HOOK3: variants seen among roughly 807,000 people sequenced by gnomAD.
HOOK3 encodes the protein protein Hook homolog 3.
Under a neutral mutation model 116.3 loss-of-function variants are expected in HOOK3, and 24 were observed. The observed-to-expected ratio is 0.21, with a 90% CI of 0.15 to 0.29. The LOEUF (loss-of-function observed/expected upper bound fraction) is 0.29. Among genes scored for constraint, HOOK3 ranks in the 10% least tolerant of loss-of-function variants. HOOK3 has a pLI of 1.00. For missense variants in HOOK3, 632 were observed against 830.2 expected (o/e 0.76, Z 2.93); for synonymous variants, 275 against 283.0 (o/e 0.97, Z 0.28).
chr8:42,899,889 C>T (rs1807149508), intron 1 of HOOK3, among the ~76,000 whole-genome samples: 1 of 152,156 alleles, frequency 6.6e-6, no homozygotes, highest in African/African-American at 2.4e-5. Context: ...TCCTGAGTAT[C>T]AGATAAAAGT....
In HOOK3 at chr8:43,021,104, GAAAAAAAAAAAAAAA is replaced by G. The variant is rs34161624; in HGVS notation, c.*2621_*2635del. ...CGACAAGAGCGAAACTCTGTCGCAA[GAAAAAAAAAAAAAAA>G]AAAAAAAAAAAAAACAGTCTGTGAA... On this transcript the variant is annotated 3_prime_UTR_variant, in exon 22 of 22. Transcript: ENST00000307602. The G allele has an allele frequency of 8.4e-4, 27 of 32,284 alleles. No homozygotes were observed. The highest frequency in any genetic ancestry group is 2.3e-3 in the Admixed American group (7 of 3,016). The allele number at this position is 32,284 out of a possible 1,614,324, so 2.0% of individuals were successfully genotyped here.
At chr8:42,970,024 A>C (rs1808698708) in intron 11 of HOOK3, among the ~76,000 whole-genome samples, 1 of 152,202 alleles carries the variant, frequency 6.6e-6, no homozygotes. Context: ...GTTATAGTCT[A>C]ATCTTCTCTA....
At chr8:43,015,640 G>T (rs1015137112) in intron 21 of HOOK3, among the ~76,000 whole-genome samples, 1 of 152,192 alleles carries the variant, frequency 6.6e-6, no homozygotes, top group Admixed American at 6.5e-5. Flanking sequence ...AAACTATTCT[G>T]TCTCTTCCCT....
At position 42,959,295 on chromosome 8, in the gene HOOK3, G is replaced by A. The variant is rs561883152; in HGVS notation, c.596G>A (p.Cys199Tyr). 6 of 1,612,290 alleles carry A rather than the reference G, an allele frequency of 3.7e-6. No homozygotes were observed. The African/African-American group carries it at 6.7e-5, about 18-fold the overall frequency. The change falls in exon 8 of 22, where the codon TGC becomes TAC. Residue 199 changes from cysteine (C) to tyrosine (Y), a missense_variant. Cys to Tyr is a radical substitution (Grantham distance 194, BLOSUM62 -2). This residue lies in a region of HOOK3 where 483 missense variants were observed against 648.1 expected (regional missense o/e 0.75). Coordinates refer to ENST00000307602, the MANE Select transcript of HOOK3 (RefSeq NM_032410.4). ...GCAAAGGAAGAAATTGCTCAAAGAT[G>A]CCATGAACTGGATATGCAGGTAAGA... ...LSAKEEIAQR[C>Y]HELDMQVAAL... is the part of the protein sequence containing the mutation.
intron 1 of HOOK3, among the ~76,000 whole-genome samples, chr8:42,897,935 G>A (rs1395853714): frequency 6.6e-6 from 1 of 152,262 alleles, no homozygotes; most frequent in African/African-American, 2.4e-5. Flanking sequence ...CGGCCGGGGA[G>A]GGGGAGGGAT....
At position 42,986,802 on chromosome 8, in the gene HOOK3, TA is replaced by T. The variant is rs1479570668; in HGVS notation, c.1532+8del. 6.2e-7 allele frequency: 1 copy of T among 1,610,302 alleles called. No homozygotes were observed. The highest frequency in any genetic ancestry group is 1.7e-5 in the Admixed American group (1 of 59,188). On this transcript the variant is annotated splice_region_variant and intron_variant, in intron 15 of 21. Transcript: ENST00000307602. ...AACTGGAGACAGAGAATAGGTAGAG[TA>T]TTATAGGTGGCCGCATCTGGCTATA...
intron 4 of HOOK3, among the ~76,000 whole-genome samples, chr8:42,941,811 T>G (rs1385463114): frequency 6.6e-6 from 1 of 152,126 alleles, no homozygotes; most frequent in African/African-American, 2.4e-5. Flanking sequence ...CTACTGTTTT[T>G]GGAGTTTATC....
intron 21 of HOOK3, among the ~76,000 whole-genome samples, chr8:43,014,283 CAGA>C (rs1809666268): frequency 1.3e-5 from 1 of 77,012 alleles, no homozygotes; most frequent in Non-Finnish European, 2.4e-5. Flanking sequence ...AAGACTGTCT[CAGA>C]AAAAAAAAAA....
At chr8:42,952,378 T>C (rs1808359707) in intron 6 of HOOK3, among the ~76,000 whole-genome samples, 1 of 152,222 alleles carries the variant, frequency 6.6e-6, no homozygotes, top group Non-Finnish European at 1.5e-5. Flanking sequence ...CCCCACCCCA[T>C]GGTAGCAATA....
At chr8:43,004,592 A>G (rs1322900075) in intron 17 of HOOK3, among the ~76,000 whole-genome samples, 1 of 150,210 alleles carries the variant, frequency 6.7e-6, no homozygotes. Context: ...GAGGCAGGAT[A>G]ATTGCTTGAA....
intron 5 of HOOK3, among the ~76,000 whole-genome samples, chr8:42,946,200 T>C (rs766342712): frequency 4.3e-4 from 66 of 152,168 alleles, no homozygotes; most frequent in Non-Finnish European, 7.2e-4. Flanking sequence ...TGGAAGGACA[T>C]TAAATAATGC....
In HOOK3 at chr8:43,028,322, C is replaced by G. The variant is rs1809970080; in HGVS notation, c.*9824C>G. The G allele has an allele frequency of 5.4e-6, 1 of 183,538 alleles. No individual in the cohort carries two copies. Among genetic ancestry groups the G allele is most frequent in the African/African-American group, 2.4e-5 (1 of 42,490 alleles). 11.4% of individuals were successfully genotyped at this position (183,538 alleles called of 1,614,324 possible). On this transcript the variant is annotated 3_prime_UTR_variant, in exon 22 of 22. Coordinates refer to ENST00000307602, the MANE Select transcript of HOOK3 (RefSeq NM_032410.4). ...TAAGGTCTGATCACACCTGACTGCA[C>G]TCCAGCCTGGGTGGCAAAGCAAGAC... is the stretch of plus-strand genomic sequence containing the variant.
intron 2 of HOOK3, among the ~76,000 whole-genome samples, chr8:42,918,420 AT>A (rs532367377): frequency 9.2e-5 from 14 of 151,544 alleles, no homozygotes; most frequent in South Asian, 4.2e-4. Flanking sequence ...TTTTTTTAAC[AT>A]TTTTTTTTAA....
intron 1 of HOOK3, among the ~76,000 whole-genome samples, chr8:42,903,683 T>C (rs900971404): frequency 1.4e-4 from 20 of 146,270 alleles, no homozygotes; most frequent in East Asian, 4.6e-4. Flanking sequence ...AGGTCGGGCG[T>C]GGTGGCTCAA....
At chr8:42,938,118 G>C (rs1305654724) in intron 4 of HOOK3, among the ~76,000 whole-genome samples, 1 of 151,922 alleles carries the variant, frequency 6.6e-6, no homozygotes, top group African/African-American at 2.4e-5. Context: ...TCTTCTTGTT[G>C]AATTGATCCC....
intron 15 of HOOK3, among the ~76,000 whole-genome samples, chr8:42,993,876 T>C (rs1351376698): frequency 6.6e-6 from 1 of 152,184 alleles, no homozygotes; most frequent in East Asian, 1.9e-4. Context: ...TTTTATTTAT[T>C]TGGGTCTTCT....
At chr8:42,924,996 CTATGTCATTGATTATGTG>C (rs1409031973) in intron 2 of HOOK3, among the ~76,000 whole-genome samples, 13 of 151,746 alleles carry the variant, frequency 8.6e-5, no homozygotes, top group Non-Finnish European at 5.9e-5. Context: ...AACCCAAAAA[CTATGTCATTGATTATGTG>C]TTAACAGTCA....
At chr8:42,900,409 A>T (rs1807162365) in intron 1 of HOOK3, among the ~76,000 whole-genome samples, 1 of 152,250 alleles carries the variant, frequency 6.6e-6, no homozygotes. Context: ...AGTTATGACA[A>T]AAAAAGTCAT....
chr8:42,943,441 G>A lies in HOOK3; in HGVS notation c.396G>A (p.Lys132=), dbSNP rs150231891. 9.6e-5 allele frequency: 139 copies of A among 1,445,340 alleles called. No homozygotes were observed. Among genetic ancestry groups the A allele is most frequent in the Non-Finnish European group, 1.2e-4 (135 of 1,090,222 alleles). The allele number at this position is 1,445,340 out of a possible 1,614,324, so 89.5% of individuals were successfully genotyped here. ...GCTGTGCTGTGAACTGTGAACAGAAGCAAGGTAATTTGTTTCAAGTTAGTG... is the reference window on the plus strand; with the variant it reads ...GCTGTGCTGTGAACTGTGAACAGAAACAAGGTAATTTGTTTCAAGTTAGTG... ...ILGCAVNCEQ[K]QEYIQAIMMM... The change falls in exon 5 of 22, where the codon AAG becomes AAA. Residue 132 remains lysine (K), a synonymous_variant. Coordinates refer to ENST00000307602, the MANE Select transcript of HOOK3 (RefSeq NM_032410.4).
Sources: allele counts gnomAD v4.1 joint callset (sites outside exome capture counted in the v4.1 genomes callset), GRCh38; gene constraint gnomAD v4.1.1; regional missense constraint gnomAD v4.1.1; transcripts MANE v1.5; gene names NCBI Gene and HGNC (gene_info 2026-07-23, HGNC 2026-07-21).